NAA50: variants seen among roughly 807,000 people sequenced by gnomAD.
The protein encoded by NAA50 is N-alpha-acetyltransferase 50.
A neutral mutation model predicts 20.7 loss-of-function variants in NAA50; 7 were observed. The observed-to-expected ratio is 0.34, with a 90% CI of 0.19 to 0.63. NAA50 has a LOEUF of 0.63. Ranked by LOEUF, NAA50 falls within the 30% of genes least tolerant of loss-of-function variation. NAA50 has a pLI of 0.75. For synonymous variants in NAA50, 54 were observed against 70.6 expected, an observed-to-expected ratio of 0.77 and a Z score of 1.18; for missense variants, 111 against 199.1, an observed-to-expected ratio of 0.56 and a Z score of 2.66.
In NAA50 at chr3:113,721,497, C is replaced by G. The variant is rs1271084506; in HGVS notation, c.*263G>C. 5 of 479,556 alleles carry G rather than the reference C, an allele frequency of 1.0e-5. No homozygotes were observed. Among genetic ancestry groups the G allele is most frequent in the Non-Finnish European group, 1.5e-5 (4 of 270,564 alleles). 29.7% of individuals were successfully genotyped at this position (479,556 alleles called of 1,614,324 possible). A position where few individuals can be genotyped will look rare whatever the true frequency, so the allele number is the denominator to read the frequency against. ...CAATTAAATGTTTAGGACCATCTAACTTCAACTGCAAAACTAAACAGATCT... is the reference window on the plus strand; with the variant it reads ...CAATTAAATGTTTAGGACCATCTAAGTTCAACTGCAAAACTAAACAGATCT... On this transcript the variant is annotated 3_prime_UTR_variant, in exon 5 of 5. Transcript: ENST00000240922.
chr3:113,733,205 A>G (rs1226689258), intron 1 of NAA50, among the ~76,000 whole-genome samples: 4 of 152,108 alleles, frequency 2.6e-5, no homozygotes, highest in African/African-American at 9.7e-5. Flanking sequence ...TGATTTTGCA[A>G]CTAATCTCAA....
At position 113,720,673 on chromosome 3, in the gene NAA50, A is replaced by G. The variant is rs1708124317; in HGVS notation, c.*1087T>C. On this transcript the variant is annotated 3_prime_UTR_variant, in exon 5 of 5. Transcript: ENST00000240922. ...TGGGATGTCCTCCAACAGATGTGCA[A>G]TAGCACAGCTATGTTATTCTCAAAA... 1 of 152,614 alleles carries G rather than the reference A, an allele frequency of 6.6e-6. No individual in the cohort carries two copies. The highest frequency in any genetic ancestry group is 1.5e-5 in the Non-Finnish European group (1 of 68,022). 9.5% of individuals were successfully genotyped at this position (152,614 alleles called of 1,614,324 possible). A position where few individuals can be genotyped will look rare whatever the true frequency, so the allele number is the denominator to read the frequency against.
rs1708111923 is a variant in NAA50, at chr3:113,719,904, A to C, written c.*1856T>G. ...TTACAAAAAGGCTGCTGCATTCTTC[A>C]AACTACTTATGCCTTCTGTAACTCA... On this transcript the variant is annotated 3_prime_UTR_variant, in exon 5 of 5. Transcript: ENST00000240922. 1 of 152,630 alleles carries C rather than the reference A, an allele frequency of 6.6e-6. No homozygotes were observed. The highest frequency in any genetic ancestry group is 1.5e-5 in the Non-Finnish European group (1 of 68,020). 9.5% of individuals were successfully genotyped at this position (152,630 alleles called of 1,614,324 possible). A position where few individuals can be genotyped will look rare whatever the true frequency, so the allele number is the denominator to read the frequency against.
intron 1 of NAA50, among the ~76,000 whole-genome samples, chr3:113,740,491 C>A (rs1209284235): frequency 6.6e-6 from 1 of 151,764 alleles, no homozygotes; most frequent in Non-Finnish European, 1.5e-5. Context: ...CTTGACTTCC[C>A]AAGTAGCTGG....
chr3:113,723,630 T>G (rs2107984501), intron 2 of NAA50, 89 bp from the exon 3 acceptor site: 1 of 1,350,208 alleles, frequency 7.4e-7, no homozygotes, highest in Non-Finnish European at 9.9e-7. Flanking sequence ...ACTGTTCCTA[T>G]CAACATTAAA....
intron 1 of NAA50, among the ~76,000 whole-genome samples, chr3:113,745,252 G>C (rs1299984046): frequency 6.6e-6 from 1 of 152,154 alleles, no homozygotes; most frequent in African/African-American, 2.4e-5. Flanking sequence ...CAGCGTGGTA[G>C]AACTACCCAG....
At chr3:113,736,078 C>G (rs1447780276) in intron 1 of NAA50, among the ~76,000 whole-genome samples, 1 of 152,214 alleles carries the variant, frequency 6.6e-6, no homozygotes, top group Non-Finnish European at 1.5e-5. Context: ...TCTCAAATTG[C>G]AGCTTCTCTT....
chr3:113,717,023 C>T lies in NAA50; in HGVS notation c.*4737G>A, dbSNP rs1462948519. The T allele has an allele frequency of 6.6e-6, 1 of 152,078 alleles. No homozygotes were observed. The highest frequency in any genetic ancestry group is 1.5e-5 in the Non-Finnish European group (1 of 68,002). The allele number at this position is 152,078 out of a possible 1,614,324, so 9.4% of individuals were successfully genotyped here. A position where few individuals can be genotyped will look rare whatever the true frequency, so the allele number is the denominator to read the frequency against. ...AGAAGCTACTGAGCAAGGAAAATAC[C>T]TTGATTCATTCTAGATAGAAAACAT... On this transcript the variant is annotated 3_prime_UTR_variant, in exon 5 of 5. Coordinates refer to ENST00000240922, the MANE Select transcript of NAA50 (RefSeq NM_025146.4).
chr3:113,728,974 AC>A (rs764210377), intron 1 of NAA50, among the ~76,000 whole-genome samples: 2 of 148,962 alleles, frequency 1.3e-5, no homozygotes, highest in Non-Finnish European at 3.0e-5. Flanking sequence ...CTCTTGATAC[AC>A]TTTTTTCCTT....
At chr3:113,727,360 G>C (rs1184546533) in intron 1 of NAA50, among the ~76,000 whole-genome samples, 1 of 152,110 alleles carries the variant, frequency 6.6e-6, no homozygotes, top group Non-Finnish European at 1.5e-5. Context: ...AAGAACTTGA[G>C]GTTTTTAAAA....
chr3:113,732,536 G>A (rs1708284304), intron 1 of NAA50, among the ~76,000 whole-genome samples: 1 of 152,154 alleles, frequency 6.6e-6, no homozygotes, highest in Non-Finnish European at 1.5e-5. Context: ...AAAACTCTAG[G>A]AATCTTTCCT....
intron 1 of NAA50, 96 bp from the exon 2 acceptor site, chr3:113,724,191 A>G (rs1708172747): frequency 7.8e-7 from 1 of 1,275,464 alleles, no homozygotes; most frequent in African/African-American, 1.5e-5. Context: ...TACATGATTG[A>G]TAAATCCAAC....
chr3:113,726,266 A>T (rs1708198657), intron 1 of NAA50, among the ~76,000 whole-genome samples: 1 of 149,498 alleles, frequency 6.7e-6, no homozygotes, highest in African/African-American at 2.6e-5. Flanking sequence ...AAGTAAAAAT[A>T]AAAAAATAGA....
chr3:113,718,393 G>A lies in NAA50; in HGVS notation c.*3367C>T, dbSNP rs1440903119. 6.6e-6 allele frequency: 1 copy of A among 152,164 alleles called. No homozygotes were observed. Among genetic ancestry groups the A allele is most frequent in the Non-Finnish European group, 1.5e-5 (1 of 68,048 alleles). 9.4% of individuals were successfully genotyped at this position (152,164 alleles called of 1,614,324 possible). A position where few individuals can be genotyped will look rare whatever the true frequency, so the allele number is the denominator to read the frequency against. On this transcript the variant is annotated 3_prime_UTR_variant, in exon 5 of 5. Coordinates refer to ENST00000240922, the MANE Select transcript of NAA50 (RefSeq NM_025146.4). ...TCCTAGATTCCTGATCCAGAACTGT[G>A]GAAGGTAATACTTGTTTGTTGTTTT...
At chr3:113,729,708 A>ATT (rs987991164) in intron 1 of NAA50, among the ~76,000 whole-genome samples, 1 of 151,474 alleles carries the variant, frequency 6.6e-6, no homozygotes, top group Non-Finnish European at 1.5e-5. Context: ...ACTTTCAGCT[A>ATT]TTTTTGTTTT....
chr3:113,734,689 T>G (rs1708316775), intron 1 of NAA50, among the ~76,000 whole-genome samples: 1 of 152,322 alleles, frequency 6.6e-6, no homozygotes, highest in African/African-American at 2.4e-5. Flanking sequence ...AGGCTTCAGT[T>G]TATATAGAAC....
In NAA50 at chr3:113,719,108, CCTCCAAAAAA is replaced by C. The variant is rs1298199414; in HGVS notation, c.*2642_*2651del. 1 of 152,392 alleles carries C rather than the reference CCTCCAAAAAA, an allele frequency of 6.6e-6. No individual in the cohort carries two copies. The highest frequency in any genetic ancestry group is 1.5e-5 in the Non-Finnish European group (1 of 67,980). 9.4% of individuals were successfully genotyped at this position (152,392 alleles called of 1,614,324 possible). A position where few individuals can be genotyped will look rare whatever the true frequency, so the allele number is the denominator to read the frequency against. On this transcript the variant is annotated 3_prime_UTR_variant, in exon 5 of 5. Coordinates refer to ENST00000240922, the MANE Select transcript of NAA50 (RefSeq NM_025146.4). ...ATTTAAGTATTTTTTTAAGTTATTC[CCTCCAAAAAA>C]CTGAGGGAGCTTTTCTTTTCCACCA...
At chr3:113,745,219 CTT>C (rs1488617154) in intron 1 of NAA50, among the ~76,000 whole-genome samples, 3 of 152,204 alleles carry the variant, frequency 2.0e-5, no homozygotes, top group Non-Finnish European at 2.9e-5. Context: ...CGAACATTAA[CTT>C]TGCCAATCAC....
At chr3:113,726,747 A>G (rs1708204315) in intron 1 of NAA50, among the ~76,000 whole-genome samples, 1 of 151,830 alleles carries the variant, frequency 6.6e-6, no homozygotes, top group African/African-American at 2.4e-5. Flanking sequence ...CCGCCTCAAA[A>G]AAAAAAAAAA....
Sources: gnomAD v4.1 joint callset for allele counts (sites outside exome capture counted in the v4.1 genomes callset) on GRCh38, gnomAD v4.1.1 for gene constraint, MANE v1.5 for transcripts, NCBI Gene and HGNC (gene_info 2026-07-23, HGNC 2026-07-21) for gene names.